The following TLE4 variants were observed in gnomAD, a reference collection of about 807,000 sequenced individuals.
TLE4 encodes the protein TLE family member 4, transcriptional corepressor.
In TLE4, 8 loss-of-function variants were observed where a neutral mutation model predicts 92.8. The ratio of observed to expected loss-of-function variants is 0.09; its 90% CI spans 0.05 to 0.16. The LOEUF is 0.16. TLE4 is among the 10% of genes least tolerant of loss of function. The pLI is 1.00. For missense variants in TLE4, 675 were observed against 997.6 expected (o/e 0.68, Z 4.36); for synonymous variants, 371 against 374.1 (o/e 0.99, Z 0.10).
intron 8 of TLE4, among the ~76,000 whole-genome samples, chr9:79,669,113 A>G (rs1022894927): frequency 3.9e-5 from 6 of 152,170 alleles, no homozygotes; most frequent in African/African-American, 1.4e-4. Context: ...GATTGTATGC[A>G]TATTTTTTCT....
At chr9:79,662,307 G>C (rs951208500) in intron 8 of TLE4, among the ~76,000 whole-genome samples, 3 of 152,112 alleles carry the variant, frequency 2.0e-5, no homozygotes, top group African/African-American at 7.2e-5. Flanking sequence ...CTTCAAATTT[G>C]AGAATAGAAG....
At chr9:79,621,355 A>T (rs966594539) in intron 5 of TLE4, among the ~76,000 whole-genome samples, 1 of 152,154 alleles carries the variant, frequency 6.6e-6, no homozygotes, top group Non-Finnish European at 1.5e-5. Flanking sequence ...TTGTTGAGTG[A>T]CCTTAGGATG....
At chr9:79,578,221 C>T (rs1173787019) in intron 4 of TLE4, among the ~76,000 whole-genome samples, 2 of 152,164 alleles carry the variant, frequency 1.3e-5, no homozygotes, top group Non-Finnish European at 2.9e-5. Flanking sequence ...AGCAATAATG[C>T]AGGGAAGTTG....
At chr9:79,573,372 T>G in intron 1 of TLE4, 1 of 1,144,124 alleles carries the variant, frequency 8.7e-7, no homozygotes, top group Non-Finnish European at 1.1e-6. Flanking sequence ...CGATTCCGGG[T>G]GAGGAGGGAG....
At chr9:79,695,631 A>G (rs768127982) in intron 8 of TLE4, among the ~76,000 whole-genome samples, 29 of 152,184 alleles carry the variant, frequency 1.9e-4, no homozygotes, top group Admixed American at 3.3e-4. Context: ...TGGAGCTTCT[A>G]GTCAAGTAGA....
chr9:79,627,527 C>T (rs964606910), intron 6 of TLE4, 79 bp downstream of exon 6: 39 of 1,447,798 alleles, frequency 2.7e-5, no homozygotes, highest in East Asian at 2.5e-4. Context: ...CATTTTGTTC[C>T]GCCAAAGGGG....
chr9:79,657,091 C>G (rs2059887104), intron 8 of TLE4, among the ~76,000 whole-genome samples: 1 of 152,148 alleles, frequency 6.6e-6, no homozygotes, highest in Admixed American at 6.5e-5. Flanking sequence ...GCCCAAGAAT[C>G]AGTTTCCTTG....
intron 8 of TLE4, among the ~76,000 whole-genome samples, chr9:79,691,362 T>C (rs1164223755): frequency 2.0e-5 from 3 of 152,214 alleles, no homozygotes; most frequent in South Asian, 2.1e-4. Context: ...ATTGTACACT[T>C]AGTGTTGTTT....
intron 5 of TLE4, among the ~76,000 whole-genome samples, chr9:79,618,174 G>A (rs983233930): frequency 1.3e-5 from 2 of 152,186 alleles, no homozygotes; most frequent in Non-Finnish European, 2.9e-5. Flanking sequence ...GATACTGGGG[G>A]ACAACTGCCA....
At chr9:79,575,045 A>G in intron 3 of TLE4, 109 bp downstream of exon 3, 5 of 857,064 alleles carry the variant, frequency 5.8e-6, no homozygotes, top group Non-Finnish European at 9.5e-6. Context: ...TCACCCTGCC[A>G]GTGCAGTTGA....
intron 4 of TLE4, among the ~76,000 whole-genome samples, chr9:79,608,610 G>A (rs1474013558): frequency 1.3e-5 from 2 of 151,956 alleles, no homozygotes; most frequent in East Asian, 1.9e-4. Context: ...TACAGAAAAC[G>A]AATGGTAAAA....
chr9:79,587,118 G>C (rs1721149237), intron 4 of TLE4, among the ~76,000 whole-genome samples: 1 of 152,152 alleles, frequency 6.6e-6, no homozygotes, highest in African/African-American at 2.4e-5. Context: ...GGTACCACTA[G>C]CACCTAAAAC....
chr9:79,683,265 ACT>A (rs1403014935), intron 8 of TLE4, among the ~76,000 whole-genome samples: 1 of 152,146 alleles, frequency 6.6e-6, no homozygotes, highest in Non-Finnish European at 1.5e-5. Flanking sequence ...GAGTTGGCTG[ACT>A]CTGTGGTCAT....
chr9:79,661,723 TA>T (rs1202738092), intron 8 of TLE4, among the ~76,000 whole-genome samples: 1 of 152,276 alleles, frequency 6.6e-6, no homozygotes, highest in Non-Finnish European at 1.5e-5. Flanking sequence ...TCTTTGAATC[TA>T]AATATTGAAT....
chr9:79,706,781 C>G lies in TLE4; in HGVS notation c.818C>G (p.Ser273Cys), dbSNP rs1397265038. 9 of 1,614,112 alleles carry G rather than the reference C, an allele frequency of 5.6e-6. No homozygotes were observed. In the South Asian group the frequency reaches 7.7e-5, roughly 14 times the overall value. ...TCCCCTCGAGGGAGCCCAGCACATTCCCCCAGAGAGAATGGCCTAGACAAG... is the reference window on the plus strand; with the variant it reads ...TCCCCTCGAGGGAGCCCAGCACATTGCCCCAGAGAGAATGGCCTAGACAAG... The part of the protein sequence containing the change: ...PSSPRGSPAH[S>C]PRENGLDKTR... The change falls in exon 11 of 20, where the codon TCC becomes TGC. Residue 273 changes from serine to cysteine, a missense_variant. Transcript: ENST00000376552.
chr9:79,684,928 G>A (rs1372817993), intron 8 of TLE4, among the ~76,000 whole-genome samples: 1 of 152,206 alleles, frequency 6.6e-6, no homozygotes, highest in African/African-American at 2.4e-5. Flanking sequence ...GTCTAACACA[G>A]TAGTTTTAGA....
chr9:79,605,577 CT>C (rs1391305905), intron 4 of TLE4, among the ~76,000 whole-genome samples: 2 of 151,908 alleles, frequency 1.3e-5, no homozygotes, highest in Non-Finnish European at 2.9e-5. Flanking sequence ...AGAGGGTGCT[CT>C]TTTTTTTCTT....
chr9:79,719,972 TG>T, intron 15 of TLE4, 73 bp from the exon 16 acceptor site: 1 of 1,523,724 alleles, frequency 6.6e-7, no homozygotes, highest in African/African-American at 1.4e-5. Context: ...AATACTTTTA[TG>T]GATTTCTGCT....
At chr9:79,641,201 A>T (rs980963473) in intron 6 of TLE4, among the ~76,000 whole-genome samples, 1 of 151,276 alleles carries the variant, frequency 6.6e-6, no homozygotes, top group Admixed American at 6.6e-5. Context: ...CCAACCCATG[A>T]GAAAAGATTG....
Sources: gnomAD v4.1 joint callset for allele counts (sites outside exome capture counted in the v4.1 genomes callset) on GRCh38, gnomAD v4.1.1 for gene constraint, MANE v1.5 for transcripts, NCBI Gene and HGNC (gene_info 2026-07-23, HGNC 2026-07-21) for gene names.